DLG2: variants seen among roughly 807,000 people sequenced by gnomAD.
DLG2 encodes discs large MAGUK scaffold protein 2.
Under a neutral mutation model 132.5 loss-of-function variants are expected in DLG2, and 45 were observed. That is an observed-to-expected ratio of 0.34 (90% CI 0.27 to 0.44). The LOEUF (loss-of-function observed/expected upper bound fraction) is 0.44. DLG2 is among the 20% of genes least tolerant of loss of function. The probability of loss-of-function intolerance (pLI) is 1.00; values close to 1 mark genes in which losing one functional copy is unlikely to be tolerated. For synonymous variants in DLG2, 424 were observed against 419.6 expected (o/e 1.01, Z -0.13); for missense variants, 1,045 against 1,196.9 (o/e 0.87, Z 1.87).
chr11:84,767,256 G>A (rs967162082), intron 6 of DLG2, among the ~76,000 whole-genome samples: 4 of 151,970 alleles, frequency 2.6e-5, no homozygotes, highest in African/African-American at 9.7e-5. Context: ...TATTATGGTG[G>A]TCATAAAACT....
intron 8 of DLG2, among the ~76,000 whole-genome samples, chr11:84,250,498 T>G (rs186730623): frequency 1.3e-5 from 2 of 152,208 alleles, no homozygotes; most frequent in African/African-American, 4.8e-5. Flanking sequence ...ACCCCCTGTC[T>G]AGCATGCATC....
At chr11:85,137,721 G>C (rs1194159729) in intron 5 of DLG2, among the ~76,000 whole-genome samples, 1 of 152,098 alleles carries the variant, frequency 6.6e-6, no homozygotes, top group Non-Finnish European at 1.5e-5. Flanking sequence ...GAAATAACAA[G>C]AAATCCACCC....
At chr11:84,933,353 C>CT (rs1434388699) in intron 6 of DLG2, among the ~76,000 whole-genome samples, 4 of 151,998 alleles carry the variant, frequency 2.6e-5, no homozygotes, top group African/African-American at 9.7e-5. Context: ...TTTTTGGGCT[C>CT]TTTTTTGGTT....
intron 6 of DLG2, among the ~76,000 whole-genome samples, chr11:84,549,774 G>C (rs895157749): frequency 6.6e-6 from 1 of 152,010 alleles, no homozygotes; most frequent in African/African-American, 2.4e-5. Flanking sequence ...TTGTTTTTGA[G>C]ATGGAGTCTC....
chr11:85,039,846 A>G (rs1439113584), intron 6 of DLG2, among the ~76,000 whole-genome samples: 8 of 151,910 alleles, frequency 5.3e-5, no homozygotes, highest in Admixed American at 5.3e-4. Context: ...GCAACTTGGT[A>G]AGACTCTTTA....
chr11:85,211,954 AAAT>A (rs2152568827), intron 4 of DLG2, among the ~76,000 whole-genome samples: 1 of 152,222 alleles, frequency 6.6e-6, no homozygotes, highest in African/African-American at 2.4e-5. Flanking sequence ...TGGCTGTATA[AAAT>A]AATGACTGAT....
chr11:84,989,372 C>CA (rs1457089746), intron 6 of DLG2, among the ~76,000 whole-genome samples: 1 of 152,088 alleles, frequency 6.6e-6, no homozygotes, highest in Middle Eastern at 3.2e-3. Flanking sequence ...GATGGGGTTT[C>CA]ACCATGTTGG....
intron 11 of DLG2, among the ~76,000 whole-genome samples, chr11:84,005,459 C>T (rs955342114): frequency 3.3e-5 from 5 of 151,812 alleles, no homozygotes; most frequent in Admixed American, 6.6e-5. Flanking sequence ...ATGGCTAAGA[C>T]CTTAAAACCA....
At chr11:83,716,162 T>A (rs566887589) in intron 18 of DLG2, among the ~76,000 whole-genome samples, 1 of 152,254 alleles carries the variant, frequency 6.6e-6, no homozygotes, top group East Asian at 1.9e-4. Context: ...ACTCCAAAGG[T>A]CAGGGAAGCA....
At chr11:83,870,389 C>CA (rs775905262) in intron 16 of DLG2, among the ~76,000 whole-genome samples, 29 of 152,308 alleles carry the variant, frequency 1.9e-4, no homozygotes, top group Middle Eastern at 6.8e-3. Context: ...CTGATTGTTT[C>CA]ACTTAAGATA....
rs75228453 is a variant in DLG2, at chr11:84,867,587, G to C, written c.357+244074C>G. 3.4e-3 allele frequency among the ~76,000 whole-genome samples: 522 copies of C among 152,230 alleles called. 3 individuals are homozygous for C. Among genetic ancestry groups the C allele is most frequent in the Non-Finnish European group, 5.9e-3 (399 of 68,002 alleles). ...TTTGAACAAAGTAAAAACTTACAGA[G>C]GATTCAAAATGCAGGGAATTAGAAA... is the stretch of plus-strand genomic sequence containing the variant. On this transcript the variant is annotated intron_variant, in intron 6 of 27. Coordinates refer to ENST00000376104, the MANE Select transcript of DLG2 (RefSeq NM_001142699.3).
Position 83,930,264 on chromosome 11 carries a change from C to T in DLG2, c.1496+64G>A, listed in dbSNP as rs556688592. ...GAGAAGTGAGCAGAGGCGGATTCTA[C>T]CCATTTATCCTTGTGGAAGCACATG... On this transcript the variant is annotated intron_variant, in intron 15 of 27. Coordinates refer to ENST00000376104, the MANE Select transcript of DLG2 (RefSeq NM_001142699.3). The T allele has an allele frequency of 3.9e-4, 606 of 1,572,156 alleles. 16 individuals are homozygous for T. In the South Asian group the frequency reaches 6.7e-3, roughly 17 times the overall value.
chr11:85,342,057 A>G (rs957643758), intron 3 of DLG2, among the ~76,000 whole-genome samples: 1 of 152,224 alleles, frequency 6.6e-6, no homozygotes, highest in Non-Finnish European at 1.5e-5. Flanking sequence ...GGCCTAGGAC[A>G]TTACTACACA....
At chr11:83,605,220 C>T (rs1325719068) in intron 19 of DLG2, among the ~76,000 whole-genome samples, 1 of 152,198 alleles carries the variant, frequency 6.6e-6, no homozygotes, top group Non-Finnish European at 1.5e-5. Flanking sequence ...CTCTCCTCAG[C>T]TCACTGGAGT....
rs181108533 is a variant in DLG2, at chr11:84,497,379, C to T, written c.519+37191G>A. ...TCCCAATATTAGATTATTGCTACTA[C>T]AACTGTACCCTATGGACCCTATAGT... On this transcript the variant is annotated intron_variant, in intron 7 of 27. Transcript: ENST00000376104. Among the ~76,000 whole-genome samples the T allele has an allele frequency of 7.9e-5, 12 of 152,228 alleles. No individual in the cohort carries two copies. In the East Asian group the frequency reaches 2.1e-3, roughly 27 times the overall value.
chr11:85,602,401 T>C (rs1018953134), intron 2 of DLG2, among the ~76,000 whole-genome samples: 1 of 152,156 alleles, frequency 6.6e-6, no homozygotes, highest in African/African-American at 2.4e-5. Context: ...TTTTTCTTTT[T>C]TCTTTCTGTC....
intron 6 of DLG2, among the ~76,000 whole-genome samples, chr11:84,605,039 T>C (rs1361265544): frequency 6.6e-6 from 1 of 151,936 alleles, no homozygotes; most frequent in Non-Finnish European, 1.5e-5. Context: ...GTATTTGTTT[T>C]GGTTTGTTTT....
intron 4 of DLG2, among the ~76,000 whole-genome samples, chr11:85,250,578 A>C (rs61907841): frequency 1.3e-5 from 2 of 152,168 alleles, no homozygotes; most frequent in Non-Finnish European, 2.9e-5. Flanking sequence ...TATTCACCTA[A>C]TATTTTCCTC....
intron 21 of DLG2, among the ~76,000 whole-genome samples, chr11:83,498,040 TTTC>T (rs1368867079): frequency 6.6e-6 from 1 of 152,110 alleles, no homozygotes; most frequent in African/African-American, 2.4e-5. Flanking sequence ...CTTAGTATTA[TTTC>T]TTCATTTTAA....
Sources: allele counts gnomAD v4.1 joint callset (sites outside exome capture counted in the v4.1 genomes callset), GRCh38; gene constraint gnomAD v4.1.1; transcripts MANE v1.5; gene names NCBI Gene and HGNC (gene_info 2026-07-23, HGNC 2026-07-21).